Variants in TAS1R1 observed in about 807,000 individuals in gnomAD.
The protein encoded by TAS1R1 is taste 1 receptor member 1, also known as taste receptor type 1 member 1.
A neutral mutation model predicts 45.8 loss-of-function variants in TAS1R1; 31 were observed. That is an observed-to-expected ratio of 0.68 (90% CI 0.51 to 0.91). The LOEUF is 0.91. Among genes scored for constraint, TAS1R1 ranks in the 40% least tolerant of loss-of-function variants. The probability of loss-of-function intolerance (pLI) is 0.00; values close to 1 mark genes in which losing one functional copy is unlikely to be tolerated. For synonymous variants in TAS1R1, 437 were observed against 448.4 expected (o/e 0.97, Z 0.32); for missense variants, 1,051 against 1,063.9 (o/e 0.99, Z 0.17).
rs140954500 is a variant in TAS1R1, at chr1:6,572,965, T to C, written c.499-1666T>C. Among the ~76,000 whole-genome samples, 511 of 152,282 alleles carry C rather than the reference T, an allele frequency of 3.4e-3. 6 individuals are homozygous for C. In the East Asian group the frequency reaches 0.036, roughly 11 times the overall value. ...ATCACCCTGGAGTCCTGCCCACTGC[T>C]GCTCCTCCTTGCCCTGCTCCCCACC... On this transcript the variant is annotated intron_variant, in intron 2 of 5. Transcript: ENST00000333172.
In TAS1R1 at chr1:6,576,560, C is replaced by G; in HGVS notation, c.1406C>G (p.Ser469Cys). ...PKWTFTVLGS[S>C]TWSPVQLNIN... ...TGGACCTTCACGGTCCTCGGTTCCTCCACATGGTCTCCAGTTCAGCTAAAC... is the reference window on the plus strand; with the variant it reads ...TGGACCTTCACGGTCCTCGGTTCCTGCACATGGTCTCCAGTTCAGCTAAAC... The change falls in exon 4 of 6, where the codon TCC becomes TGC. Residue 469 changes from serine (S) to cysteine (C), a missense_variant. Coordinates refer to ENST00000333172, the MANE Select transcript of TAS1R1 (RefSeq NM_138697.4). The G allele has an allele frequency of 1.2e-6, 2 of 1,614,244 alleles. No individual in the cohort carries two copies. Among genetic ancestry groups the G allele is most frequent in the Non-Finnish European group, 1.7e-6 (2 of 1,180,052 alleles).
At position 6,555,507 on chromosome 1, in the gene TAS1R1, C is replaced by CT. The variant is rs768614756; in HGVS notation, c.135dup (p.Leu46SerfsTer18). 130 of 1,563,636 alleles carry CT rather than the reference C, an allele frequency of 8.3e-5. No individual in the cohort carries two copies. The highest frequency in any genetic ancestry group is 1.1e-4 in the Non-Finnish European group (126 of 1,153,618). ...GATTACCTCCTGGCAGGCCTGTTCC[C>CT]TCTCCATTCTGGCTGTCTGCAGGTG... On this transcript the variant is annotated frameshift_variant, in exon 1 of 6. Transcript: ENST00000333172. LOFTEE classifies it high-confidence loss of function.
rs992877604 is a variant in TAS1R1, at chr1:6,579,649, G to A, written c.*65G>A. 1.3e-6 allele frequency: 2 copies of A among 1,528,052 alleles called. No individual in the cohort carries two copies. Among genetic ancestry groups the A allele is most frequent in the East Asian group, 2.3e-5 (1 of 44,220 alleles). 94.7% of individuals were successfully genotyped at this position (1,528,052 alleles called of 1,614,324 possible). On this transcript the variant is annotated 3_prime_UTR_variant, in exon 6 of 6. Coordinates refer to ENST00000333172, the MANE Select transcript of TAS1R1 (RefSeq NM_138697.4). ...CTGAGGGTCGAAGGTCGAGCAGGCC[G>A]GGGGTGTCCGGGAGGTCTTTGGGCA...
Position 6,570,024 on chromosome 1 carries a change from G to GAGA in TAS1R1, c.192-885_192-884insAGA, listed in dbSNP as rs1553186697. Among the ~76,000 whole-genome samples the GAGA allele has an allele frequency of 0.012, 402 of 32,422 alleles. 6 individuals are homozygous for GAGA. The East Asian group carries it at 0.14, about 11-fold the overall frequency. The allele number at this position is 32,422 out of a possible 152,430, so 21.3% of individuals were successfully genotyped here. On this transcript the variant is annotated intron_variant, in intron 1 of 5. Coordinates refer to ENST00000333172, the MANE Select transcript of TAS1R1 (RefSeq NM_138697.4). ...GGAGGAGAGAGGGAGGGAGGGAGGGGGAGAGAGAGAGAGAGAGAGAGAGAG... is the reference window on the plus strand; with the variant it reads ...GGAGGAGAGAGGGAGGGAGGGAGGGGAGAGAGAGAGAGAGAGAGAGAGAGAGAG...
At chr1:6,558,036 G>GTTTTTTTTTTTTTTTTTTTTTTTTTTT (rs779773064) in intron 1 of TAS1R1, among the ~76,000 whole-genome samples, 1 of 140,822 alleles carries the variant, frequency 7.1e-6, no homozygotes, top group Non-Finnish European at 1.5e-5. Context: ...GTAGTGGTTA[G>GTTTTTTTTTTTTTTTTTTTTTTTTTTT]TTTTTGTTTT....
Position 6,579,685 on chromosome 1 carries a change from G to C in TAS1R1, c.*101G>C. On this transcript the variant is annotated 3_prime_UTR_variant, in exon 6 of 6. Transcript: ENST00000333172. ...GGAGGTCTTTGGGCATCGCGGTCTG[G>C]GGTTGGGACGTGTAAGCGCCTGGGA... 6.8e-7 allele frequency: 1 copy of C among 1,468,156 alleles called. No homozygotes were observed. Among genetic ancestry groups the C allele is most frequent in the East Asian group, 2.4e-5 (1 of 42,472 alleles). The allele number at this position is 1,468,156 out of a possible 1,614,324, so 90.9% of individuals were successfully genotyped here.
Position 6,575,127 on chromosome 1 carries a change from C to T in TAS1R1, c.995C>T (p.Pro332Leu). 1 of 1,585,050 alleles carries T rather than the reference C, an allele frequency of 6.3e-7. No homozygotes were observed. Among genetic ancestry groups the T allele is most frequent in the African/African-American group, 1.4e-5 (1 of 74,032 alleles). The stretch of plus-strand genomic sequence containing the variant: ...GTGGCCATCCAGAAGAGGGCTGTCC[C>T]TGGCCTGAAGGCGTTTGAAGAAGCC... ...LGVAIQKRAV[P>L]GLKAFEEAYA... Residue 332 changes from proline (P) to leucine (L), a missense_variant, in exon 3 of 6, where the codon CCT becomes CTT. Pro to Leu is a moderately conservative substitution (Grantham distance 98, BLOSUM62 -3). Transcript: ENST00000333172.
intron 1 of TAS1R1, among the ~76,000 whole-genome samples, chr1:6,557,549 C>T (rs778919473): frequency 4.6e-5 from 7 of 152,116 alleles, no homozygotes; most frequent in Non-Finnish European, 1.0e-4. Context: ...GATTCTCCTG[C>T]CCCAGCCTCC....
Position 6,579,175 on chromosome 1 carries a change from C to T in TAS1R1, c.2117C>T (p.Ala706Val), listed in dbSNP as rs754650407. ...TWLVVWTPLPAREYQRFPHLV... is the reference protein window; with the variant it reads ...TWLVVWTPLPVREYQRFPHLV... ...CTGGTGGTGTGGACCCCACTGCCTG[C>T]TAGGGAATACCAGCGCTTCCCCCAT... Residue 706 changes from alanine to valine, a missense_variant, in exon 6 of 6, where the codon GCT becomes GTT. By Grantham distance (64) the Ala-to-Val change is moderately conservative. Transcript: ENST00000333172. 9.3e-6 allele frequency: 15 copies of T among 1,614,088 alleles called. No homozygotes were observed. In the Admixed American group the frequency reaches 1.0e-4, roughly 11 times the overall value.
intron 5 of TAS1R1, among the ~76,000 whole-genome samples, chr1:6,577,635 A>G (rs1296960093): frequency 4.8e-5 from 7 of 146,740 alleles, no homozygotes; most frequent in East Asian, 4.1e-4. Context: ...GACCAGCCTG[A>G]CCAACATGGT....
At chr1:6,558,482 G>A (rs1280469405) in intron 1 of TAS1R1, among the ~76,000 whole-genome samples, 1 of 152,148 alleles carries the variant, frequency 6.6e-6, no homozygotes, top group Non-Finnish European at 1.5e-5. Flanking sequence ...CACTTTGGGA[G>A]GCCAAGGGAG....
At position 6,555,435 on chromosome 1, in the gene TAS1R1, T is replaced by C; in HGVS notation, c.62T>C (p.Phe21Ser). The C allele has an allele frequency of 6.2e-7, 1 of 1,607,870 alleles. No individual in the cohort carries two copies. The highest frequency in any genetic ancestry group is 8.5e-7 in the Non-Finnish European group (1 of 1,177,706). Residue 21 changes from phenylalanine to serine, a missense_variant, in exon 1 of 6, where the codon TTT (phenylalanine) becomes TCT (serine). Transcript: ENST00000333172. ...CTTCTCATTTCCTGCTGCTGGGCCT[T>C]TGCCTGCCATAGCACGGAGTCTTCT... ...LQLLISCCWA[F>S]ACHSTESSPD...
At chr1:6,570,216 T>G (rs1460343262) in intron 1 of TAS1R1, among the ~76,000 whole-genome samples, 1 of 152,078 alleles carries the variant, frequency 6.6e-6, no homozygotes, top group Admixed American at 6.6e-5. Context: ...CAGCCCAGGC[T>G]TACAGACTAG....
At position 6,574,513 on chromosome 1, in the gene TAS1R1, A is replaced by T; in HGVS notation, c.499-118A>T. On this transcript the variant is annotated intron_variant, in intron 2 of 5. Coordinates refer to ENST00000333172, the MANE Select transcript of TAS1R1 (RefSeq NM_138697.4). The surrounding 1 kb of genome is among the most constrained non-coding windows in gnomAD (Gnocchi z 4.3). ...TTCGCAGGTGATTTGTCAGTTTCAC[A>T]GGCTGAGGGGTGCTCTCCTGGTCTC... The T allele has an allele frequency of 7.8e-7, 1 of 1,288,004 alleles. No homozygotes were observed. Among genetic ancestry groups the T allele is most frequent in the Non-Finnish European group, 1.0e-6 (1 of 958,858 alleles). 79.8% of individuals were successfully genotyped at this position (1,288,004 alleles called of 1,614,324 possible). A position where few individuals can be genotyped will look rare whatever the true frequency, so the allele number is the denominator to read the frequency against.
At chr1:6,555,670 A>C in intron 1 of TAS1R1, 106 bp downstream of exon 1, 1 of 1,105,826 alleles carries the variant, frequency 9.0e-7, no homozygotes, top group Non-Finnish European at 1.3e-6. Flanking sequence ...TGCCCCTTGA[A>C]CTGTCCCCAG....
rs185068581 is a variant in TAS1R1 at position 6,564,429 on chromosome 1, C to T, written c.192-6480C>T. ...GGGCCTGTTTTGTAAGAGGAAAGGG[C>T]GTCCATACGTTAACTCAAATGGACT... is the stretch of plus-strand genomic sequence containing the variant. On this transcript the variant is annotated intron_variant, in intron 1 of 5. Transcript: ENST00000333172. 4.3e-4 allele frequency among the ~76,000 whole-genome samples: 65 copies of T among 152,132 alleles called. No homozygotes were observed. In the East Asian group the frequency reaches 6.2e-3, roughly 15 times the overall value.
chr1:6,566,842 G>T (rs569986230), intron 1 of TAS1R1, among the ~76,000 whole-genome samples: 1 of 152,158 alleles, frequency 6.6e-6, no homozygotes, highest in African/African-American at 2.4e-5. Flanking sequence ...TGATCTGCCC[G>T]CCTCGGCCTC....
At position 6,575,367 on chromosome 1, in the gene TAS1R1, C is replaced by T; in HGVS notation, c.1235C>T (p.Ser412Phe). The part of the protein sequence containing the change: ...QLLGCASGAC[S>F]RGRVYPWQLL... ...CTGGGCTGTGCCTCTGGAGCTTGTT[C>T]CAGGGGCCGAGTCTACCCCTGGCAG... The change falls in exon 3 of 6, where the codon TCC becomes TTC. Residue 412 changes from serine to phenylalanine, a missense_variant. Coordinates refer to ENST00000333172, the MANE Select transcript of TAS1R1 (RefSeq NM_138697.4). The T allele has an allele frequency of 1.3e-6, 2 of 1,584,190 alleles. No individual in the cohort carries two copies. The highest frequency in any genetic ancestry group is 1.2e-5 in the South Asian group (1 of 86,552).
At chr1:6,557,854 C>G (rs746395879) in intron 1 of TAS1R1, among the ~76,000 whole-genome samples, 2 of 152,188 alleles carry the variant, frequency 1.3e-5, no homozygotes, top group Non-Finnish European at 2.9e-5. Context: ...CAGGCATGGG[C>G]CACTGCACCT....
Sources: allele counts gnomAD v4.1 joint callset (sites outside exome capture counted in the v4.1 genomes callset), GRCh38; gene constraint gnomAD v4.1.1; non-coding constraint Gnocchi (gnomAD v3.1); transcripts MANE v1.5; gene names NCBI Gene and HGNC (gene_info 2026-07-23, HGNC 2026-07-21).